CCDC60: variants seen among roughly 807,000 people sequenced by gnomAD.
CCDC60 encodes coiled-coil domain containing 60.
In CCDC60, 54 loss-of-function variants were observed where a neutral mutation model predicts 63.5. The observed-to-expected ratio is 0.85, with a 90% CI of 0.68 to 1.07. The LOEUF (loss-of-function observed/expected upper bound fraction) is 1.07, where lower values mean the gene tolerates loss of function less well. Among genes scored for constraint, CCDC60 ranks in the 50% least tolerant of loss-of-function variants. The pLI is 0.00. For missense variants in CCDC60, 651 were observed against 684.3 expected, an observed-to-expected ratio of 0.95 and a Z score of 0.54; for synonymous variants, 206 against 238.8, an observed-to-expected ratio of 0.86 and a Z score of 1.27.
At chr12:119,400,526 T>C (rs1956373374) in intron 1 of CCDC60, among the ~76,000 whole-genome samples, 2 of 152,276 alleles carry the variant, frequency 1.3e-5, no homozygotes, top group African/African-American at 4.8e-5. Flanking sequence ...ATTATTTGTT[T>C]TCTTAGCAAC....
chr12:119,344,549 TG>T (rs1955566990), intron 1 of CCDC60, among the ~76,000 whole-genome samples: 1 of 152,202 alleles, frequency 6.6e-6, no homozygotes, highest in Non-Finnish European at 1.5e-5. Flanking sequence ...ACCACCCCAT[TG>T]GCCCCATTAC....
intron 1 of CCDC60, among the ~76,000 whole-genome samples, chr12:119,339,289 T>C (rs1375081007): frequency 6.6e-6 from 1 of 152,160 alleles, no homozygotes; most frequent in Non-Finnish European, 1.5e-5. Context: ...TGTTCTAGAA[T>C]GAAAACTCAA....
At position 119,500,136 on chromosome 12, in the gene CCDC60, C is replaced by A; in HGVS notation, c.616C>A (p.Gln206Lys). ...KKINKDKSMG[Q>K]KWEHFITAPK... The stretch of plus-strand genomic sequence containing the variant: ...AATCAATAAGGACAAGTCCATGGGA[C>A]AGAAATGGGAGCATTTCATCACAGC... Residue 206 changes from glutamine to lysine, a missense_variant, in exon 6 of 14, where the codon CAG becomes AAG. Physicochemically the swap from Gln to Lys is moderately conservative, Grantham distance 53. Coordinates refer to ENST00000327554, the MANE Select transcript of CCDC60 (RefSeq NM_178499.5). 1.2e-6 allele frequency: 2 copies of A among 1,611,068 alleles called. No homozygotes were observed. Among genetic ancestry groups the A allele is most frequent in the Non-Finnish European group, 1.7e-6 (2 of 1,179,132 alleles).
chr12:119,519,351 T>C (rs1267720639), intron 8 of CCDC60, among the ~76,000 whole-genome samples: 2 of 151,374 alleles, frequency 1.3e-5, no homozygotes, highest in Non-Finnish European at 2.9e-5. Flanking sequence ...TTTCTACGCC[T>C]CCTCATCCCA....
At chr12:119,338,797 G>A (rs1486546503) in intron 1 of CCDC60, among the ~76,000 whole-genome samples, 4 of 152,124 alleles carry the variant, frequency 2.6e-5, no homozygotes, top group East Asian at 1.9e-4. Flanking sequence ...GGCCTCTCCC[G>A]GGGGAAGGTA....
At chr12:119,482,404 T>A (rs1223623189) in intron 4 of CCDC60, among the ~76,000 whole-genome samples, 4 of 152,124 alleles carry the variant, frequency 2.6e-5, no homozygotes, top group African/African-American at 9.7e-5. Flanking sequence ...CAAACTTTTC[T>A]TTAAAGGGCC....
intron 2 of CCDC60, among the ~76,000 whole-genome samples, chr12:119,440,538 T>TAA (rs1225068952): frequency 6.6e-6 from 1 of 152,000 alleles, no homozygotes; most frequent in Non-Finnish European, 1.5e-5. Context: ...TCAAAATAAA[T>TAA]AAACAAATAA....
intron 2 of CCDC60, among the ~76,000 whole-genome samples, chr12:119,457,912 T>A (rs1013331329): frequency 2.0e-5 from 3 of 152,248 alleles, no homozygotes; most frequent in African/African-American, 7.2e-5. Context: ...AGTTATTGTA[T>A]AAACAGGGCA....
intron 1 of CCDC60, among the ~76,000 whole-genome samples, chr12:119,341,382 A>G (rs1322379682): frequency 6.6e-6 from 1 of 152,210 alleles, no homozygotes; most frequent in Non-Finnish European, 1.5e-5. Context: ...GAAATGATCC[A>G]AGAGTCTTGT....
chr12:119,424,925 C>G (rs906451455), intron 1 of CCDC60, among the ~76,000 whole-genome samples: 4 of 151,924 alleles, frequency 2.6e-5, no homozygotes, highest in Non-Finnish European at 5.9e-5. Flanking sequence ...GTTGAGGACG[C>G]AATTCAGTAC....
At chr12:119,454,380 C>G (rs930060236) in intron 2 of CCDC60, among the ~76,000 whole-genome samples, 9 of 152,160 alleles carry the variant, frequency 5.9e-5, no homozygotes, top group African/African-American at 1.4e-4. Flanking sequence ...CAAGCCATCA[C>G]TATAGAGAGA....
chr12:119,534,712 T>C (rs1468004083), intron 13 of CCDC60, among the ~76,000 whole-genome samples: 1 of 152,216 alleles, frequency 6.6e-6, no homozygotes, highest in African/African-American at 2.4e-5. Context: ...ATGTGATGGA[T>C]TACGTTTATT....
intron 1 of CCDC60, among the ~76,000 whole-genome samples, chr12:119,379,664 A>T (rs905486186): frequency 3.3e-5 from 5 of 152,248 alleles, no homozygotes; most frequent in Admixed American, 2.6e-4. Flanking sequence ...AGATCAGATG[A>T]AGATTTAATT....
At chr12:119,480,997 A>G (rs1951305625) in intron 4 of CCDC60, among the ~76,000 whole-genome samples, 1 of 147,710 alleles carries the variant, frequency 6.8e-6, no homozygotes, top group South Asian at 2.2e-4. Context: ...CATCACCAGC[A>G]TCATCATCAT....
At chr12:119,380,356 A>G (rs1468642592) in intron 1 of CCDC60, among the ~76,000 whole-genome samples, 1 of 152,198 alleles carries the variant, frequency 6.6e-6, no homozygotes, top group East Asian at 1.9e-4. Flanking sequence ...CACCATGGGA[A>G]TTGGCAAACA....
chr12:119,470,096 T>C (rs902109972), intron 2 of CCDC60, among the ~76,000 whole-genome samples: 1 of 152,222 alleles, frequency 6.6e-6, no homozygotes, highest in Non-Finnish European at 1.5e-5. Flanking sequence ...ATAGTTATAG[T>C]TCCCTAAAGA....
chr12:119,477,047 C>A (rs1405079060), intron 3 of CCDC60, among the ~76,000 whole-genome samples: 3 of 152,216 alleles, frequency 2.0e-5, no homozygotes, highest in Non-Finnish European at 4.4e-5. Flanking sequence ...GGGCAGCTCA[C>A]AGGACCCATT....
At chr12:119,335,617 A>G (rs554802525) in intron 1 of CCDC60, among the ~76,000 whole-genome samples, 1 of 151,306 alleles carries the variant, frequency 6.6e-6, no homozygotes, top group Admixed American at 6.6e-5. Flanking sequence ...GTGTCTGTTC[A>G]TGTCCTTTGC....
chr12:119,350,811 G>A (rs1174063664), intron 1 of CCDC60, among the ~76,000 whole-genome samples: 1 of 152,058 alleles, frequency 6.6e-6, no homozygotes, highest in Non-Finnish European at 1.5e-5. Flanking sequence ...ATGATATTGG[G>A]GTGTCCTGCA....
Sources: gnomAD v4.1 joint callset for allele counts (sites outside exome capture counted in the v4.1 genomes callset) on GRCh38, gnomAD v4.1.1 for gene constraint, MANE v1.5 for transcripts, NCBI Gene and HGNC (gene_info 2026-07-23, HGNC 2026-07-21) for gene names.